FOXJ3: variants seen among roughly 807,000 people sequenced by gnomAD.
FOXJ3 encodes forkhead box J3, also known as forkhead box protein J3.
FOXJ3 carries 22 observed loss-of-function variants against 76.1 expected under a neutral mutation model. That is an observed-to-expected ratio of 0.29 (90% CI 0.21 to 0.41). FOXJ3 has a LOEUF of 0.41. FOXJ3 is among the 10% of genes least tolerant of loss of function. FOXJ3 has a pLI of 1.00. For synonymous variants in FOXJ3, 269 were observed against 261.2 expected, an observed-to-expected ratio of 1.03 and a Z score of -0.29; for missense variants, 613 against 762.1, an observed-to-expected ratio of 0.80 and a Z score of 2.30.
At chr1:42,247,978 T>C (rs1649681735) in intron 4 of FOXJ3, among the ~76,000 whole-genome samples, 1 of 152,174 alleles carries the variant, frequency 6.6e-6, no homozygotes, top group Non-Finnish European at 1.5e-5. Context: ...GAAAACCTTA[T>C]GCTAAGTGAA....
intron 1 of FOXJ3, among the ~76,000 whole-genome samples, chr1:42,311,693 A>G (rs1023411416): frequency 7.4e-6 from 1 of 134,610 alleles, no homozygotes; most frequent in Admixed American, 7.6e-5. Context: ...GAAGCACTGA[A>G]ACAGAAAGAA....
Position 42,277,654 on chromosome 1 carries a change from G to A in FOXJ3, c.369+694C>T, listed in dbSNP as rs1428717615. ...CTACTAAAAATACAAAAAATTAGCC[G>A]GGCGTAGTGGCGGGCGCCTGTAGTC... is the stretch of plus-strand genomic sequence containing the variant. On this transcript the variant is annotated intron_variant, in intron 3 of 12. Coordinates refer to ENST00000361346, the MANE Select transcript of FOXJ3 (RefSeq NM_014947.5). Among the ~76,000 whole-genome samples the A allele has an allele frequency of 7.4e-5, 4 of 53,860 alleles. 2 individuals carry two copies. The highest frequency in any genetic ancestry group is 2.3e-4 in the African/African-American group (4 of 17,754). The allele number at this position is 53,860 out of a possible 152,430, so 35.3% of individuals were successfully genotyped here. A position where few individuals can be genotyped will look rare whatever the true frequency, so the allele number is the denominator to read the frequency against.
chr1:42,236,752 T>G (rs1569992322), intron 4 of FOXJ3, among the ~76,000 whole-genome samples: 1 of 152,154 alleles, frequency 6.6e-6, no homozygotes, highest in Non-Finnish European at 1.5e-5. Flanking sequence ...ACTCAAACTG[T>G]GAAACTATTT....
At chr1:42,207,866 A>G (rs1159371687) in intron 5 of FOXJ3, among the ~76,000 whole-genome samples, 6 of 152,228 alleles carry the variant, frequency 3.9e-5, no homozygotes, top group Non-Finnish European at 2.9e-5. Flanking sequence ...TAGAAGAGCT[A>G]TAAAAATAAC....
chr1:42,317,831 G>A (rs1655211268), intron 1 of FOXJ3, among the ~76,000 whole-genome samples: 1 of 152,016 alleles, frequency 6.6e-6, no homozygotes, highest in African/African-American at 2.4e-5. Context: ...GAAAGGTAGA[G>A]AATGTTAGAA....
At chr1:42,261,824 G>A (rs373721256) in intron 4 of FOXJ3, among the ~76,000 whole-genome samples, 4 of 152,078 alleles carry the variant, frequency 2.6e-5, no homozygotes, top group Non-Finnish European at 4.4e-5. Flanking sequence ...TGGTGAGGGT[G>A]GTTTTGGAAA....
intron 1 of FOXJ3, among the ~76,000 whole-genome samples, chr1:42,334,737 C>T (rs951482239): frequency 2.0e-5 from 3 of 152,142 alleles, no homozygotes; most frequent in African/African-American, 7.2e-5. Flanking sequence ...TCGGACTAGG[C>T]GCCCCCGGGA....
intron 1 of FOXJ3, among the ~76,000 whole-genome samples, chr1:42,316,634 T>C (rs756488300): frequency 3.3e-5 from 5 of 152,200 alleles, no homozygotes; most frequent in Non-Finnish European, 5.9e-5. Context: ...TTAACTTCCC[T>C]AAGGCTTAAT....
intron 4 of FOXJ3, among the ~76,000 whole-genome samples, chr1:42,248,271 A>G (rs1391012974): frequency 6.6e-6 from 1 of 151,902 alleles, no homozygotes; most frequent in African/African-American, 2.4e-5. Flanking sequence ...GTGGTGGCTC[A>G]TGCCTGTAAT....
chr1:42,263,014 A>G (rs1253622822), intron 4 of FOXJ3, among the ~76,000 whole-genome samples: 2 of 152,092 alleles, frequency 1.3e-5, no homozygotes, highest in Non-Finnish European at 2.9e-5. Flanking sequence ...AAACCTTAAA[A>G]CTGAAAACTA....
At chr1:42,188,490 T>C (rs935795876) in intron 11 of FOXJ3, among the ~76,000 whole-genome samples, 9 of 152,196 alleles carry the variant, frequency 5.9e-5, no homozygotes, top group African/African-American at 2.2e-4. Flanking sequence ...GGATAATGGT[T>C]ACAACAGTTA....
chr1:42,319,476 T>C (rs1387238918), intron 1 of FOXJ3, among the ~76,000 whole-genome samples: 1 of 152,126 alleles, frequency 6.6e-6, no homozygotes, highest in African/African-American at 2.4e-5. Flanking sequence ...TAGATAGCAG[T>C]TTCTTAGGGT....
chr1:42,269,631 T>C (rs1266126778), intron 3 of FOXJ3, among the ~76,000 whole-genome samples: 2 of 152,126 alleles, frequency 1.3e-5, no homozygotes, highest in East Asian at 3.9e-4. Context: ...CTCAACATAT[T>C]TAAAATTAAA....
At chr1:42,280,714 G>C (rs1652646878) in intron 2 of FOXJ3, among the ~76,000 whole-genome samples, 1 of 152,068 alleles carries the variant, frequency 6.6e-6, no homozygotes, top group Non-Finnish European at 1.5e-5. Context: ...TACCCAATCT[G>C]GTAGTTTTGC....
chr1:42,209,107 A>C (rs536335974), intron 5 of FOXJ3, among the ~76,000 whole-genome samples: 1 of 152,332 alleles, frequency 6.6e-6, no homozygotes, highest in Admixed American at 6.5e-5. Flanking sequence ...AATGAAGTGA[A>C]ATTGTCTCTG....
intron 1 of FOXJ3, among the ~76,000 whole-genome samples, chr1:42,328,384 T>C (rs1655964940): frequency 6.6e-6 from 1 of 152,222 alleles, no homozygotes. Flanking sequence ...GTCTGTGTTC[T>C]AAAAACAGTT....
chr1:42,202,312 T>C (rs1194453087), intron 6 of FOXJ3, among the ~76,000 whole-genome samples: 2 of 152,220 alleles, frequency 1.3e-5, no homozygotes, highest in Non-Finnish European at 2.9e-5. Context: ...CCATAAAATA[T>C]AGATAAAACT....
chr1:42,179,911 T>A, intron 12 of FOXJ3, 86 bp from the exon 13 acceptor site: 1 of 813,092 alleles, frequency 1.2e-6, no homozygotes, highest in Non-Finnish European at 2.1e-6. Context: ...ACTTCCTATA[T>A]GCCAGGCACA....
chr1:42,185,188 C>T (rs542366538), intron 11 of FOXJ3, among the ~76,000 whole-genome samples: 1 of 151,992 alleles, frequency 6.6e-6, no homozygotes, highest in South Asian at 2.1e-4. Context: ...GAAGTATGCA[C>T]CCCTTTCTCT....
Sources: gnomAD v4.1 joint callset for allele counts (sites outside exome capture counted in the v4.1 genomes callset) on GRCh38, gnomAD v4.1.1 for gene constraint, MANE v1.5 for transcripts, NCBI Gene and HGNC (gene_info 2026-07-23, HGNC 2026-07-21) for gene names.